Variants in RPGR observed in about 807,000 individuals in gnomAD.
The protein encoded by RPGR is X-linked retinitis pigmentosa GTPase regulator.
Under a neutral mutation model 56.3 loss-of-function variants are expected in RPGR, and 10 were observed. The ratio of observed to expected loss-of-function variants is 0.18; its 90% CI spans 0.11 to 0.30. The LOEUF (loss-of-function observed/expected upper bound fraction) is 0.30. RPGR is among the 10% of genes least tolerant of loss of function. The pLI, the probability that RPGR is intolerant of heterozygous loss-of-function variation, is 1.00. For missense variants in RPGR, 538 were observed against 590.9 expected (o/e 0.91, Z 0.93); for synonymous variants, 197 against 212.9 (o/e 0.93, Z 0.65).
intron 18 of RPGR, among the ~76,000 whole-genome samples, chrX:38,272,080 G>C (rs1451073325): frequency 9.0e-6 from 1 of 111,326 alleles, no homozygotes; most frequent in Non-Finnish European, 1.9e-5. Flanking sequence ...TGAAATTGAT[G>C]AAGGCCCTGA....
chrX:38,288,630 G>A (rs995473235), intron 13 of RPGR, among the ~76,000 whole-genome samples: 13 of 111,032 alleles, frequency 1.2e-4, no homozygotes, highest in East Asian at 2.9e-4. Context: ...GCTTGAACCC[G>A]GGAGGCAGAG....
Position 38,269,833 on chromosome X carries a change from C to G in RPGR, c.2242-1G>C. 8.5e-7 allele frequency: 1 copy of G among 1,177,374 alleles called. No individual in the cohort carries two copies. Among genetic ancestry groups the G allele is most frequent in the Non-Finnish European group, 1.2e-6 (1 of 867,147 alleles). ...AGGGGACTCTTTTGAACAGAAAAAT[C>G]TAGGAAAAAAACCACACACACAAAT... On this transcript the variant is annotated splice_acceptor_variant, in intron 18 of 18. Coordinates refer to ENST00000642395, the MANE Select transcript of RPGR (RefSeq NM_000328.3). LOFTEE classifies it high-confidence loss of function.
Position 38,270,625 on chromosome X carries a change from A to C in RPGR, c.2242-793T>G, listed in dbSNP as rs756862661. Among the ~76,000 whole-genome samples, 909 of 99,388 alleles carry C rather than the reference A, an allele frequency of 9.1e-3. 9 individuals are homozygous for C. The highest frequency in any genetic ancestry group is 0.011 in the Non-Finnish European group (529 of 49,957). 86.3% of individuals were successfully genotyped at this position (99,388 alleles called of 115,157 possible). On this transcript the variant is annotated intron_variant, in intron 18 of 18. Transcript: ENST00000642395. ...GCGACAGAGCGAGACTCTGTCCCCA[A>C]AAAAAAAAAAAAAAAAGTCAGTGCT...
rs934261565 is a variant in RPGR, at chrX:38,294,182, C to T, written c.1415-2698G>A. On this transcript the variant is annotated intron_variant, in intron 11 of 18. Transcript: ENST00000642395. Reference sequence around the variant, plus strand: ...GAGCTATTTTCCCTTGATCTTTGAGCGGTACTTTGCATTCACGACACTACG... The same window carrying T: ...GAGCTATTTTCCCTTGATCTTTGAGTGGTACTTTGCATTCACGACACTACG... Among the ~76,000 whole-genome samples the T allele has an allele frequency of 2.7e-5, 3 of 111,290 alleles. No homozygotes were observed. In the Admixed American group the frequency reaches 2.9e-4, roughly 11 times the overall value.
At chrX:38,297,509 T>C (rs2067411228) in intron 10 of RPGR, 57 bp from the exon 11 acceptor site, 2 of 1,036,460 alleles carry the variant, frequency 1.9e-6, no homozygotes, top group Non-Finnish European at 2.7e-6. Context: ...TTAATATTGA[T>C]ATAAACTTTC....
chrX:38,313,558 C>T (rs144279257), intron 6 of RPGR, among the ~76,000 whole-genome samples: 9 of 112,388 alleles, frequency 8.0e-5, no homozygotes, highest in African/African-American at 2.9e-4. Context: ...CCACATCCTC[C>T]TCTTCCTCTT....
intron 15 of RPGR, among the ~76,000 whole-genome samples, chrX:38,279,732 T>A (rs1251464230): frequency 9.5e-6 from 1 of 105,207 alleles, no homozygotes; most frequent in Non-Finnish European, 2.0e-5. Flanking sequence ...TATTATAGTT[T>A]TTTAAAAGTA....
At chrX:38,312,801 G>A (rs1197542238) in intron 6 of RPGR, among the ~76,000 whole-genome samples, 4 of 110,980 alleles carry the variant, frequency 3.6e-5, no homozygotes, top group Non-Finnish European at 7.6e-5. Context: ...AAAATTAGCC[G>A]AGTGTGGTGG....
chrX:38,319,127 C>T lies in RPGR; in HGVS notation c.311-140G>A. The T allele has an allele frequency of 4.9e-6, 3 of 615,470 alleles. No individual in the cohort carries two copies. The South Asian group carries it at 8.3e-5, about 17-fold the overall frequency. The allele number at this position is 615,470 out of a possible 1,213,427, so 50.7% of individuals were successfully genotyped here. ...TATCCTATTATTTGGGAGACAACTT[C>T]ATTTCATCGTCAAAATAAAGCAAAA... On this transcript the variant is annotated intron_variant, in intron 4 of 18. Transcript: ENST00000642395.
intron 18 of RPGR, chrX:38,269,902 G>T: frequency 5.2e-6 from 4 of 775,475 alleles, no homozygotes. Flanking sequence ...GTATTTAGGG[G>T]ATATCATTTT....
At chrX:38,323,607 CA>C (rs1312686793) in intron 1 of RPGR, 83 bp from the exon 2 acceptor site, 1 of 1,052,023 alleles carries the variant, frequency 9.5e-7, no homozygotes, top group Non-Finnish European at 1.3e-6. Context: ...TTTATCCATA[CA>C]AACCCCTTGT....
In RPGR at chrX:38,276,628, C is replaced by G. The variant is rs780831994; in HGVS notation, c.2050G>C (p.Glu684Gln). The G allele has an allele frequency of 2.5e-6, 3 of 1,211,157 alleles. No homozygotes were observed. Among genetic ancestry groups the G allele is most frequent in the Non-Finnish European group, 3.4e-6 (3 of 895,189 alleles). ...GCTGAGCTATCATCATTGGTTCTTT[C>G]TGCTCCTTCTGTTTTACTGTGATAA... The change falls in exon 16 of 19, where the codon GAA becomes CAA. Residue 684 changes from glutamate (E) to glutamine (Q), a missense_variant. Glu to Gln is a conservative substitution (Grantham distance 29, BLOSUM62 2). Transcript: ENST00000642395.
chrX:38,306,070 T>C (rs2067592752), intron 7 of RPGR, among the ~76,000 whole-genome samples: 1 of 112,109 alleles, frequency 8.9e-6, no homozygotes, highest in Non-Finnish European at 1.9e-5. Flanking sequence ...AGGGTCCTTT[T>C]AGAGACATCA....
intron 18 of RPGR, among the ~76,000 whole-genome samples, chrX:38,272,132 G>T (rs779059798): frequency 1.4e-4 from 16 of 110,616 alleles, no homozygotes; most frequent in African/African-American, 5.0e-4. Flanking sequence ...ACAAGAAGGT[G>T]ATATTAAAAG....
chrX:38,286,771 C>T (rs867235997), intron 15 of RPGR: 1 of 1,157,175 alleles, frequency 8.6e-7, no homozygotes. Context: ...TTCTCTGTCT[C>T]CCTCCTCTTC....
intron 7 of RPGR, among the ~76,000 whole-genome samples, chrX:38,309,981 T>C (rs1193850654): frequency 9.0e-6 from 1 of 111,501 alleles, no homozygotes; most frequent in Non-Finnish European, 1.9e-5. Flanking sequence ...TTTTTGTTTG[T>C]TTTTCTTTTT....
At chrX:38,317,753 C>A (rs1300769584) in intron 5 of RPGR, 3 of 240,677 alleles carry the variant, frequency 1.2e-5, no homozygotes, top group Admixed American at 6.3e-5. Flanking sequence ...CCTACAATCA[C>A]CCTTTCCCAT....
At chrX:38,278,429 C>T (rs927613675) in intron 15 of RPGR, among the ~76,000 whole-genome samples, 7 of 111,781 alleles carry the variant, frequency 6.3e-5, no homozygotes, top group Non-Finnish European at 1.1e-4. Context: ...TTAGTAAAGA[C>T]GGGGTTTCGC....
chrX:38,286,879 C>T, intron 15 of RPGR: 1 of 1,205,337 alleles, frequency 8.3e-7, no homozygotes, highest in Non-Finnish European at 1.1e-6. Context: ...CTGCTCTTCC[C>T]CATCCCTCTT....
Sources: allele counts gnomAD v4.1 joint callset (sites outside exome capture counted in the v4.1 genomes callset), GRCh38; gene constraint gnomAD v4.1.1; transcripts MANE v1.5; gene names NCBI Gene and HGNC (gene_info 2026-07-23, HGNC 2026-07-21).